RYR3: variants seen among roughly 807,000 people sequenced by gnomAD.
The protein encoded by RYR3 is brain ryanodine receptor-calcium release channel.
In RYR3, 207 loss-of-function variants were observed where a neutral mutation model predicts 584.3. That is an observed-to-expected ratio of 0.35 (90% CI 0.32 to 0.40). The LOEUF (loss-of-function observed/expected upper bound fraction) is 0.40. Among genes scored for constraint, RYR3 ranks in the 10% least tolerant of loss-of-function variants. The probability of loss-of-function intolerance (pLI) is 1.00; values close to 1 mark genes in which losing one functional copy is unlikely to be tolerated. For synonymous variants in RYR3, 2,416 were observed against 2,248.5 expected, an observed-to-expected ratio of 1.07 and a Z score of -2.11; for missense variants, 5,616 against 6,089.2, an observed-to-expected ratio of 0.92 and a Z score of 2.59.
intron 10 of RYR3, among the ~76,000 whole-genome samples, chr15:33,558,083 A>G (rs1876551857): frequency 1.3e-5 from 2 of 151,918 alleles, no homozygotes; most frequent in East Asian, 3.9e-4. Flanking sequence ...TTCTGAGAAC[A>G]TTCTTTTTTA....
intron 42 of RYR3, among the ~76,000 whole-genome samples, chr15:33,706,599 C>A (rs927480134): frequency 2.6e-5 from 4 of 152,150 alleles, no homozygotes; most frequent in African/African-American, 9.7e-5. Flanking sequence ...TCCCATTGTA[C>A]GTATATATCA....
At chr15:33,840,452 CAAG>C (rs1285900816) in intron 89 of RYR3, 3 of 234,848 alleles carry the variant, frequency 1.3e-5, no homozygotes, top group South Asian at 7.5e-5. Context: ...AAAGACAAGG[CAAG>C]AAGAAGCCTG....
intron 51 of RYR3, 84 bp from the exon 52 acceptor site, chr15:33,742,282 G>A (rs2070222826): frequency 1.2e-6 from 1 of 848,438 alleles, no homozygotes; most frequent in Non-Finnish European, 2.0e-6. Flanking sequence ...TCTGACAGCT[G>A]GTTGATTGGT....
Position 33,725,984 on chromosome 15 carries a change from A to AC in RYR3, c.6913-402_6913-401insC, listed in dbSNP as rs2068408256. On this transcript the variant is annotated intron_variant, in intron 45 of 103. Coordinates refer to ENST00000634891, the MANE Select transcript of RYR3 (RefSeq NM_001036.6). Reference sequence around the variant, plus strand: ...GACTCCATCCCCCCCCCCAAAAAAAAAAAAAAAAAAAAACAGAATTCTAGA... The same window carrying AC: ...GACTCCATCCCCCCCCCCAAAAAAAACAAAAAAAAAAAAACAGAATTCTAGA... Among the ~76,000 whole-genome samples, 4 of 123,700 alleles carry AC rather than the reference A, an allele frequency of 3.2e-5. 1 individual carries two copies. Among genetic ancestry groups the AC allele is most frequent in the Admixed American group, 8.3e-5 (1 of 12,118 alleles). 81.2% of individuals were successfully genotyped at this position (123,700 alleles called of 152,430 possible).
chr15:33,672,900 AGGG>A (rs986972804), intron 38 of RYR3, among the ~76,000 whole-genome samples: 1 of 151,850 alleles, frequency 6.6e-6, no homozygotes, highest in Non-Finnish European at 1.5e-5. Context: ...AGAAGAATTA[AGGG>A]GTACTTGTTT....
At chr15:33,497,915 C>G (rs565703529) in intron 2 of RYR3, among the ~76,000 whole-genome samples, 5 of 152,138 alleles carry the variant, frequency 3.3e-5, no homozygotes, top group Non-Finnish European at 7.4e-5. Flanking sequence ...CTCTCTACAT[C>G]TATGAGATCA....
intron 37 of RYR3, among the ~76,000 whole-genome samples, chr15:33,669,843 T>G (rs56061627): frequency 0.017 from 378 of 21,992 alleles, 8 homozygotes; most frequent in Middle Eastern, 0.031. Flanking sequence ...TGTGTGTGTG[T>G]GGGGGGGGGG....
At chr15:33,768,488 A>AGTG (rs2073293109) in intron 60 of RYR3, among the ~76,000 whole-genome samples, 170 bp from the exon 61 acceptor site, 1 of 152,240 alleles carries the variant, frequency 6.6e-6, no homozygotes, top group South Asian at 2.1e-4. Context: ...TGAACCACAC[A>AGTG]TGTTCCTGAG....
chr15:33,554,268 C>T (rs1170281213), intron 10 of RYR3, among the ~76,000 whole-genome samples: 1 of 150,532 alleles, frequency 6.6e-6, no homozygotes, highest in Non-Finnish European at 1.5e-5. Flanking sequence ...GAGTGAAATC[C>T]ATTTCATTCT....
intron 16 of RYR3, among the ~76,000 whole-genome samples, chr15:33,590,252 A>C (rs1343753934): frequency 6.6e-6 from 1 of 152,142 alleles, no homozygotes; most frequent in Non-Finnish European, 1.5e-5. Context: ...GTGATTCTTC[A>C]CTTGCTTCAG....
chr15:33,384,673 C>T (rs1413388601), intron 1 of RYR3, among the ~76,000 whole-genome samples: 2 of 67,834 alleles, frequency 2.9e-5, no homozygotes, highest in African/African-American at 1.0e-4. Context: ...ACTTCACATA[C>T]TTACCATTTT....
At chr15:33,518,127 C>G (rs2053674487) in intron 3 of RYR3, among the ~76,000 whole-genome samples, 1 of 152,194 alleles carries the variant, frequency 6.6e-6, no homozygotes, top group Non-Finnish European at 1.5e-5. Context: ...GTTAATCTGT[C>G]TGTTTCTCTG....
chr15:33,367,093 CA>C (rs111998592), intron 1 of RYR3, among the ~76,000 whole-genome samples: 2 of 152,310 alleles, frequency 1.3e-5, no homozygotes, highest in African/African-American at 4.8e-5. Flanking sequence ...AAACAAATTA[CA>C]AAGCCTATTT....
At chr15:33,615,976 C>T (rs1390462477) in intron 19 of RYR3, among the ~76,000 whole-genome samples, 4 of 152,200 alleles carry the variant, frequency 2.6e-5, no homozygotes, top group Non-Finnish European at 5.9e-5. Flanking sequence ...CACCCTTTGA[C>T]TCAGGAACTT....
At chr15:33,770,843 G>A (rs1327428513) in intron 62 of RYR3, among the ~76,000 whole-genome samples, 1 of 152,162 alleles carries the variant, frequency 6.6e-6, no homozygotes, top group African/African-American at 2.4e-5. Context: ...ATGATTATCA[G>A]GAAAATGATG....
chr15:33,794,754 T>C (rs2075491747), intron 67 of RYR3, among the ~76,000 whole-genome samples: 1 of 152,202 alleles, frequency 6.6e-6, no homozygotes, highest in Admixed American at 6.5e-5. Context: ...GCTTCCAACA[T>C]GAGTGCCTTT....
intron 1 of RYR3, among the ~76,000 whole-genome samples, chr15:33,470,513 T>A (rs1369317843): frequency 1.3e-5 from 2 of 151,384 alleles, no homozygotes; most frequent in Admixed American, 6.6e-5. Flanking sequence ...ATAATGGAGA[T>A]GAGAGCACTT....
At chr15:33,501,249 T>C (rs1367867381) in intron 2 of RYR3, among the ~76,000 whole-genome samples, 1 of 152,156 alleles carries the variant, frequency 6.6e-6, no homozygotes, top group African/African-American at 2.4e-5. Flanking sequence ...GTCCCTATTA[T>C]CTATTAGTGC....
chr15:33,343,986 T>C (rs892930699), intron 1 of RYR3, among the ~76,000 whole-genome samples: 2 of 152,232 alleles, frequency 1.3e-5, no homozygotes, highest in African/African-American at 4.8e-5. Flanking sequence ...AGCAATCTTA[T>C]TTTAAGATTA....
Sources: gnomAD v4.1 joint callset for allele counts (sites outside exome capture counted in the v4.1 genomes callset) on GRCh38, gnomAD v4.1.1 for gene constraint, MANE v1.5 for transcripts, NCBI Gene and HGNC (gene_info 2026-07-23, HGNC 2026-07-21) for gene names.